The following DMD variants were observed in gnomAD, a reference collection of about 807,000 sequenced individuals.
DMD encodes the protein dystrophin.
DMD carries 63 observed loss-of-function variants against 330.1 expected under a neutral mutation model. The observed-to-expected ratio is 0.19, with a 90% CI of 0.16 to 0.24. DMD has a LOEUF of 0.24. Ranked by LOEUF, DMD falls within the 10% of genes least tolerant of loss-of-function variation. The pLI is 1.00. For missense variants in DMD, 3,344 were observed against 2,684.1 expected, an observed-to-expected ratio of 1.25 and a Z score of -5.43; for synonymous variants, 1,223 against 959.8, an observed-to-expected ratio of 1.27 and a Z score of -5.07.
chrX:32,568,677 T>G (rs2052044813), intron 15 of DMD, among the ~76,000 whole-genome samples: 1 of 111,607 alleles, frequency 9.0e-6, no homozygotes, highest in South Asian at 3.8e-4. Flanking sequence ...GTATCAAAAA[T>G]GATGATGGCA....
chrX:32,894,788 T>A (rs183259299), intron 2 of DMD, among the ~76,000 whole-genome samples: 2 of 112,355 alleles, frequency 1.8e-5, no homozygotes, highest in Admixed American at 1.9e-4. Flanking sequence ...TGATTACCTA[T>A]CTTACTGGTT....
At chrX:31,822,653 G>GGGGGT (rs58903799) in intron 49 of DMD, among the ~76,000 whole-genome samples, 6 of 65,806 alleles carry the variant, frequency 9.1e-5, no homozygotes, top group African/African-American at 3.8e-4. Flanking sequence ...AAGGCAGAGG[G>GGGGGT]GTGTGTGTGT....
At chrX:32,758,382 C>A (rs1323785398) in intron 7 of DMD, among the ~76,000 whole-genome samples, 2 of 111,518 alleles carry the variant, frequency 1.8e-5, no homozygotes, top group Non-Finnish European at 3.8e-5. Flanking sequence ...AAATCCAGGT[C>A]TTTCTCCTCC....
chrX:31,780,871 T>C (rs1227925727), intron 50 of DMD, among the ~76,000 whole-genome samples: 1 of 111,848 alleles, frequency 8.9e-6, no homozygotes, highest in Non-Finnish European at 1.9e-5. Context: ...GAAAAATAAA[T>C]GCTTGTACTC....
At chrX:32,063,656 G>A (rs1261797538) in intron 44 of DMD, among the ~76,000 whole-genome samples, 1 of 111,024 alleles carries the variant, frequency 9.0e-6, no homozygotes, top group East Asian at 2.8e-4. Context: ...TTATTACTAT[G>A]GGACAGGTAT....
In DMD at chrX:32,508,967, T is replaced by C. The variant is rs558037710; in HGVS notation, c.2293-7125A>G. On this transcript the variant is annotated intron_variant, in intron 18 of 78. Coordinates refer to ENST00000357033, the MANE Select transcript of DMD (RefSeq NM_004006.3). ...CTGGGACTACAGGCGCCCGCAACCA[T>C]GCCCGGCTAATTTTTTGTATTTTTA... is the stretch of plus-strand genomic sequence containing the variant. Among the ~76,000 whole-genome samples, 304 of 109,573 alleles carry C rather than the reference T, an allele frequency of 2.8e-3. 1 individual carries two copies. The highest frequency in any genetic ancestry group is 6.4e-3 in the South Asian group (16 of 2,491).
At chrX:32,399,067 C>T (rs199852517) in intron 30 of DMD, among the ~76,000 whole-genome samples, 1 of 111,849 alleles carries the variant, frequency 8.9e-6, no homozygotes, top group East Asian at 2.8e-4. Flanking sequence ...TATCTTGAAC[C>T]GTATACAGAA....
chrX:31,177,278 C>G (rs1314643854), intron 71 of DMD, among the ~76,000 whole-genome samples: 2 of 111,572 alleles, frequency 1.8e-5, no homozygotes, highest in East Asian at 5.6e-4. Context: ...CAAAGAAATA[C>G]TTTCCTCCTA....
At chrX:33,026,866 C>A (rs1422013261) in intron 1 of DMD, among the ~76,000 whole-genome samples, 1 of 112,165 alleles carries the variant, frequency 8.9e-6, no homozygotes, top group Non-Finnish European at 1.9e-5. Flanking sequence ...TTCTCATTTC[C>A]AAGAGAGTGA....
chrX:32,332,737 G>A (rs1448912221), intron 41 of DMD, among the ~76,000 whole-genome samples: 2 of 110,663 alleles, frequency 1.8e-5, no homozygotes, highest in African/African-American at 6.6e-5. Flanking sequence ...AAATAGATGG[G>A]AATTCATTGA....
chrX:33,304,114 G>A (rs191785483), intron 1 of DMD, among the ~76,000 whole-genome samples: 113 of 110,259 alleles, frequency 1.0e-3, no homozygotes, highest in African/African-American at 3.5e-3. Flanking sequence ...TGCTTGTAAC[G>A]GTCACCAATA....
chrX:32,761,353 T>C (rs1469899892), intron 7 of DMD, among the ~76,000 whole-genome samples: 1 of 111,885 alleles, frequency 8.9e-6, no homozygotes, highest in Non-Finnish European at 1.9e-5. Flanking sequence ...CTTAGAATTG[T>C]GTGCTTCTAG....
At chrX:32,491,595 TAATTATA>T in intron 19 of DMD, 77 bp from the exon 20 acceptor site, 1 of 998,779 alleles carries the variant, frequency 1.0e-6, no homozygotes, top group Non-Finnish European at 1.4e-6. Flanking sequence ...CAACACATCC[TAATTATA>T]AAAGTATTCA....
chrX:32,939,244 A>C (rs1441931960), intron 2 of DMD, among the ~76,000 whole-genome samples: 1 of 105,093 alleles, frequency 9.5e-6, no homozygotes, highest in African/African-American at 3.4e-5. Flanking sequence ...TATTTGAGAT[A>C]TATATGTATA....
intron 2 of DMD, among the ~76,000 whole-genome samples, chrX:33,010,864 G>A (rs2093689150): frequency 9.0e-6 from 1 of 110,864 alleles, no homozygotes; most frequent in Non-Finnish European, 1.9e-5. Context: ...GTGGTTCTTT[G>A]GCCGTCAGCA....
At chrX:31,745,629 C>T (rs957520267) in intron 51 of DMD, among the ~76,000 whole-genome samples, 11 of 112,085 alleles carry the variant, frequency 9.8e-5, no homozygotes, top group African/African-American at 3.6e-4. Flanking sequence ...CCACTGCACA[C>T]AAGGAACATA....
chrX:33,074,284 T>C (rs1170341426), intron 1 of DMD, among the ~76,000 whole-genome samples: 2 of 111,994 alleles, frequency 1.8e-5, no homozygotes, highest in Non-Finnish European at 3.8e-5. Context: ...AAATTTATTC[T>C]GACCACAAGG....
intron 59 of DMD, among the ~76,000 whole-genome samples, chrX:31,453,513 T>A (rs1399396172): frequency 9.2e-6 from 1 of 109,101 alleles, no homozygotes; most frequent in Non-Finnish European, 1.9e-5. Context: ...ATGAGAAGAG[T>A]TCTGGAGATG....
At chrX:32,641,408 GTATATATATATATATATA>G (rs72324944) in intron 11 of DMD, 29 of 94,891 alleles carry the variant, frequency 3.1e-4, no homozygotes, top group East Asian at 1.2e-3. Context: ...TATTTTATAC[GTATATATATATATATATA>G]TATATATATA....
Sources: gnomAD v4.1 joint callset for allele counts (sites outside exome capture counted in the v4.1 genomes callset) on GRCh38, gnomAD v4.1.1 for gene constraint, MANE v1.5 for transcripts, NCBI Gene and HGNC (gene_info 2026-07-23, HGNC 2026-07-21) for gene names.